The following ACER3 variants were observed in gnomAD, a reference collection of about 807,000 sequenced individuals.
ACER3 encodes alkaline ceramidase 3.
A neutral mutation model predicts 48.9 loss-of-function variants in ACER3; 16 were observed. The observed-to-expected ratio is 0.33, with a 90% confidence interval of 0.22 to 0.50. ACER3 has a LOEUF of 0.50. Ranked by LOEUF, ACER3 falls within the 20% of genes least tolerant of loss-of-function variation. The pLI is 0.98. For missense variants in ACER3, 227 were observed against 326.0 expected, an observed-to-expected ratio of 0.70 and a Z score of 2.34; for synonymous variants, 109 against 107.8, an observed-to-expected ratio of 1.01 and a Z score of -0.07.
chr11:76,893,942 T>C (rs1333233854), intron 1 of ACER3, among the ~76,000 whole-genome samples: 2 of 152,174 alleles, frequency 1.3e-5, no homozygotes, highest in African/African-American at 4.8e-5. Context: ...ATTTGTGGAG[T>C]GAAGGAATGA....
chr11:76,934,512 C>T (rs913893137), intron 2 of ACER3, among the ~76,000 whole-genome samples: 1 of 152,258 alleles, frequency 6.6e-6, no homozygotes, highest in Admixed American at 6.5e-5. Flanking sequence ...GCAGCGAAAC[C>T]CCGTCTCCAC....
chr11:76,898,676 G>A (rs1284987286), intron 1 of ACER3, among the ~76,000 whole-genome samples: 2 of 151,494 alleles, frequency 1.3e-5, no homozygotes, highest in South Asian at 4.2e-4. Context: ...AGGCCGAGGC[G>A]GGCGGATGAC....
intron 4 of ACER3, among the ~76,000 whole-genome samples, chr11:76,981,011 C>T (rs7927367): frequency 0.71 from 108,086 of 152,000 alleles, 38,827 homozygotes; most frequent in Non-Finnish European, 0.77. Context: ...AGAAACAGAA[C>T]CAGAAACAAG....
Position 76,929,395 on chromosome 11 carries a change from T to C in ACER3, c.214+2728T>C, listed in dbSNP as rs1282407462. Among the ~76,000 whole-genome samples the C allele has an allele frequency of 3.9e-5, 6 of 152,252 alleles. No individual in the cohort carries two copies. The East Asian group carries it at 1.2e-3, about 29-fold the overall frequency. ...ATGGGGTTTTCCAGATATACAATCATGTCATCTGCAAACAGGGACAATTTG... is the reference window on the plus strand; with the variant it reads ...ATGGGGTTTTCCAGATATACAATCACGTCATCTGCAAACAGGGACAATTTG... On this transcript the variant is annotated intron_variant, in intron 2 of 10. Transcript: ENST00000532485.
chr11:76,868,244 C>T (rs760008274), intron 1 of ACER3: 4 of 1,289,288 alleles, frequency 3.1e-6, no homozygotes, highest in Non-Finnish European at 4.0e-6. Context: ...GGAAGATGCT[C>T]CTTTCTCTGA....
intron 3 of ACER3, among the ~76,000 whole-genome samples, chr11:76,960,411 T>G (rs1233706422): frequency 1.3e-5 from 2 of 151,594 alleles, no homozygotes; most frequent in African/African-American, 2.4e-5. Context: ...CTGTCTCAAA[T>G]AATAATAATA....
At chr11:76,897,258 GGGA>G (rs1420378126) in intron 1 of ACER3, among the ~76,000 whole-genome samples, 5 of 152,208 alleles carry the variant, frequency 3.3e-5, no homozygotes, top group Middle Eastern at 3.4e-3. Context: ...CACCTGGCCA[GGGA>G]GGAGAACTTT....
chr11:76,989,440 T>C (rs536824798), intron 5 of ACER3, among the ~76,000 whole-genome samples: 1 of 152,230 alleles, frequency 6.6e-6, no homozygotes, highest in East Asian at 1.9e-4. Flanking sequence ...AGTTTATACA[T>C]GAAGAGTAAT....
chr11:76,928,811 T>C (rs1415461728), intron 2 of ACER3, among the ~76,000 whole-genome samples: 2 of 152,188 alleles, frequency 1.3e-5, no homozygotes, highest in South Asian at 2.1e-4. Context: ...TTCTGTTCCA[T>C]TGGTCTATAT....
At chr11:77,005,981 A>ATATTATATATATATACG (rs1555020884) in intron 7 of ACER3, among the ~76,000 whole-genome samples, 1 of 32,390 alleles carries the variant, frequency 3.1e-5, no homozygotes, top group African/African-American at 5.6e-5. Flanking sequence ...ACATATATAT[A>ATATTATATATATATACG]TATATATATA....
At chr11:76,913,443 GT>G (rs1313513820) in intron 1 of ACER3, among the ~76,000 whole-genome samples, 1 of 152,190 alleles carries the variant, frequency 6.6e-6, no homozygotes, top group Non-Finnish European at 1.5e-5. Context: ...TCCTTGTCTT[GT>G]GCCAGTTTTC....
chr11:76,898,700 C>T (rs550610873), intron 1 of ACER3, among the ~76,000 whole-genome samples: 2 of 151,316 alleles, frequency 1.3e-5, no homozygotes. Context: ...GTCAGGAGAT[C>T]GAGACCATCC....
At chr11:76,931,953 C>CTT (rs11300248) in intron 2 of ACER3, among the ~76,000 whole-genome samples, 4 of 129,882 alleles carry the variant, frequency 3.1e-5, no homozygotes, top group South Asian at 2.5e-4. Flanking sequence ...TTTGGAGTTG[C>CTT]TTTTTTTTTT....
intron 1 of ACER3, among the ~76,000 whole-genome samples, chr11:76,915,332 GC>G (rs1946497518): frequency 6.6e-6 from 1 of 151,750 alleles, no homozygotes; most frequent in Admixed American, 6.6e-5. Flanking sequence ...GCTTTCTCAT[GC>G]CCCGTGCTTT....
intron 1 of ACER3, among the ~76,000 whole-genome samples, chr11:76,893,326 C>T (rs774929449): frequency 1.3e-4 from 20 of 152,058 alleles, no homozygotes; most frequent in African/African-American, 4.8e-4. Flanking sequence ...GCTATGATCA[C>T]GCCACTCTAC....
chr11:76,891,121 A>G (rs1366829456), intron 1 of ACER3, among the ~76,000 whole-genome samples: 1 of 151,938 alleles, frequency 6.6e-6, no homozygotes, highest in African/African-American at 2.4e-5. Context: ...TGTCTAAAAA[A>G]AAAAAATTAT....
At chr11:76,969,153 CAAAAG>C (rs1326467983) in intron 3 of ACER3, among the ~76,000 whole-genome samples, 2 of 152,174 alleles carry the variant, frequency 1.3e-5, no homozygotes, top group African/African-American at 4.8e-5. Context: ...AGACACTTCT[CAAAAG>C]AAGACATTTA....
intron 6 of ACER3, among the ~76,000 whole-genome samples, chr11:76,997,343 T>C (rs1948936218): frequency 6.6e-6 from 1 of 152,204 alleles, no homozygotes; most frequent in African/African-American, 2.4e-5. Context: ...CATAGAGTTA[T>C]AATACTATAT....
intron 1 of ACER3, among the ~76,000 whole-genome samples, chr11:76,923,307 T>A (rs1326794253): frequency 6.6e-6 from 1 of 152,186 alleles, no homozygotes; most frequent in Non-Finnish European, 1.5e-5. Flanking sequence ...AGTTTTATTT[T>A]ATTCCTTTGT....
Sources: gnomAD v4.1 joint callset for allele counts (sites outside exome capture counted in the v4.1 genomes callset) on GRCh38, gnomAD v4.1.1 for gene constraint, MANE v1.5 for transcripts, NCBI Gene and HGNC (gene_info 2026-07-23, HGNC 2026-07-21) for gene names.